Variants in DPH1 observed in about 807,000 individuals in gnomAD.
DPH1 encodes 2-(3-amino-3-carboxypropyl)histidine synthase subunit 1.
Under a neutral mutation model 55.3 loss-of-function variants are expected in DPH1, and 59 were observed. That is an observed-to-expected ratio of 1.07 (90% confidence interval 0.87 to 1.33). The LOEUF is 1.33. Ranked by LOEUF, DPH1 falls within the 40% of genes most tolerant of loss-of-function variation. The pLI is 0.00. For missense variants in DPH1, 628 were observed against 584.8 expected, an observed-to-expected ratio of 1.07 and a Z score of -0.76; for synonymous variants, 238 against 235.5, an observed-to-expected ratio of 1.01 and a Z score of -0.10.
chr17:2,032,924 G>C (rs1285032062), intron 1 of DPH1, among the ~76,000 whole-genome samples: 1 of 152,082 alleles, frequency 6.6e-6, no homozygotes, highest in Non-Finnish European at 1.5e-5. Context: ...GTAGAGAGTA[G>C]TATTTCCCCG....
At chr17:2,030,625 C>T (rs2067318368) in intron 1 of DPH1, among the ~76,000 whole-genome samples, 1 of 152,168 alleles carries the variant, frequency 6.6e-6, no homozygotes, top group Non-Finnish European at 1.5e-5. Context: ...TGAGCGCCCA[C>T]CGAATGCCAG....
At chr17:2,042,333 C>T in intron 12 of DPH1, 1 of 1,373,354 alleles carries the variant, frequency 7.3e-7, no homozygotes, top group Non-Finnish European at 9.4e-7. Context: ...ACCCGCATTC[C>T]TCCCACCCAG....
rs1410170646 is a variant in DPH1 at position 2,035,500 on chromosome 17, GGTGGGGGCCCTGCCTGTGGTGGGGAGGGA to G, written c.279-462_279-434del. On this transcript the variant is annotated intron_variant, in intron 3 of 12. Transcript: ENST00000263083. The stretch of plus-strand genomic sequence containing the variant: ...GGGGCCCTGCCTGTGGTGGGGAGGG[GGTGGGGGCCCTGCCTGTGGTGGGGAGGGA>G]GTGGGGGTCCCGGCAAGAGGGAGGC... 1.9e-3 allele frequency among the ~76,000 whole-genome samples: 156 copies of G among 80,248 alleles called. 2 individuals are homozygous for G. The East Asian group carries it at 0.06, about 31-fold the overall frequency. 52.6% of individuals were successfully genotyped at this position (80,248 alleles called of 152,430 possible).
chr17:2,035,965 C>G lies in DPH1; in HGVS notation c.279-5C>G, dbSNP rs370195178. The G allele has an allele frequency of 6.2e-7, 1 of 1,613,758 alleles. No homozygotes were observed. The highest frequency in any genetic ancestry group is 1.1e-5 in the South Asian group (1 of 91,080). Reference sequence around the variant, plus strand: ...TCCCACCGTTCCCCGCCCCTGTGCCCGCAGGTTCACGGAGGCCGAAGTGAT... The same window carrying G: ...TCCCACCGTTCCCCGCCCCTGTGCCGGCAGGTTCACGGAGGCCGAAGTGAT... On this transcript the variant is annotated splice_polypyrimidine_tract_variant and splice_region_variant and intron_variant, in intron 3 of 12. Transcript: ENST00000263083.
intron 6 of DPH1, chr17:2,037,287 C>T (rs772369283): frequency 1.2e-4 from 25 of 201,234 alleles, no homozygotes; most frequent in Non-Finnish European, 1.1e-4. Context: ...ATTTACCATC[C>T]GGACAGCTAA....
At chr17:2,042,342 A>G in intron 12 of DPH1, 2 of 1,345,692 alleles carry the variant, frequency 1.5e-6, no homozygotes, top group Non-Finnish European at 1.9e-6. Context: ...CCTCCCACCC[A>G]GTCCACACCC....
chr17:2,043,191 T>A lies in DPH1; in HGVS notation c.*605T>A. 9 of 1,428,312 alleles carry A rather than the reference T, an allele frequency of 6.3e-6. No individual in the cohort carries two copies. Among genetic ancestry groups the A allele is most frequent in the Non-Finnish European group, 7.6e-6 (8 of 1,051,986 alleles). 88.5% of individuals were successfully genotyped at this position (1,428,312 alleles called of 1,614,324 possible). On this transcript the variant is annotated 3_prime_UTR_variant, in exon 13 of 13. Coordinates refer to ENST00000263083, the MANE Select transcript of DPH1 (RefSeq NM_001383.6). ...TGCCCTCCCAGGACCCTCCACTCAC[T>A]GCTGTGAGTGCGCCTCACCAGAACC...
chr17:2,040,846 C>T, intron 9 of DPH1: 1 of 626,302 alleles, frequency 1.6e-6, no homozygotes, highest in South Asian at 1.9e-5. Flanking sequence ...GACACCTGCC[C>T]TGTACCAGGT....
chr17:2,041,008 G>C, intron 9 of DPH1, 95 bp from the exon 10 acceptor site: 1 of 1,186,774 alleles, frequency 8.4e-7, no homozygotes, highest in East Asian at 2.6e-5. Context: ...GCCTGTTAAT[G>C]AATGGGTGTG....
At position 2,041,626 on chromosome 17, in the gene DPH1, G is replaced by T; in HGVS notation, c.1227+5G>T. On this transcript the variant is annotated splice_donor_5th_base_variant and intron_variant, in intron 11 of 12. Transcript: ENST00000263083. ...GGCCGGCCCGCGCGGGGGAAGGTAG[G>T]CGGGGGCTTCCAGGAGGGAGGAGAG... 6.2e-7 allele frequency: 1 copy of T among 1,602,274 alleles called. No homozygotes were observed. Among genetic ancestry groups the T allele is most frequent in the Non-Finnish European group, 8.5e-7 (1 of 1,175,214 alleles).
intron 3 of DPH1, 36 bp downstream of exon 3, chr17:2,033,878 G>A: frequency 6.2e-7 from 1 of 1,612,232 alleles, no homozygotes; most frequent in Non-Finnish European, 8.5e-7. Flanking sequence ...GGGTGAGCCA[G>A]GCTTCCCCCA....
intron 6 of DPH1, 54 bp from the exon 7 acceptor site, chr17:2,039,701 G>A (rs977085345): frequency 1.9e-5 from 31 of 1,611,614 alleles, no homozygotes; most frequent in Admixed American, 1.3e-4. Context: ...CTAAGCCAGC[G>A]AGTGCCTCTT....
rs1179056494 is a variant in DPH1 at position 2,036,100 on chromosome 17, G to A, written c.400+9G>A. ...CGGCCACAGTTGCCTGAGTATGGTG[G>A]GGCCAGGACACCTGGACGGTGGCGG... On this transcript the variant is annotated intron_variant, in intron 4 of 12. Transcript: ENST00000263083. This position sits in a 1 kb window ranked among gnomAD's most constrained non-coding sequence, Gnocchi z 4.8. 5.0e-6 allele frequency: 8 copies of A among 1,613,570 alleles called. 1 individual carries two copies. The Admixed American group carries it at 6.7e-5, about 13-fold the overall frequency.
At chr17:2,031,335 C>T (rs1213939471) in intron 1 of DPH1, among the ~76,000 whole-genome samples, 2 of 151,686 alleles carry the variant, frequency 1.3e-5, no homozygotes, top group Non-Finnish European at 2.9e-5. Context: ...CTGAGGCGGG[C>T]GGATTACCTG....
intron 12 of DPH1, chr17:2,042,210 G>C: frequency 7.0e-7 from 1 of 1,431,382 alleles, no homozygotes; most frequent in Non-Finnish European, 9.1e-7. Flanking sequence ...CCCGGGCCCC[G>C]AGGGCGCCAG....
At chr17:2,042,103 A>T in intron 12 of DPH1, 1 of 1,569,222 alleles carries the variant, frequency 6.4e-7, no homozygotes, top group Non-Finnish European at 8.6e-7. Flanking sequence ...CGGCAGAGCG[A>T]GCGGGGCTTC....
chr17:2,041,654 C>A (rs117243219), intron 11 of DPH1, 33 bp downstream of exon 11: 3 of 1,589,072 alleles, frequency 1.9e-6, no homozygotes, highest in Admixed American at 1.8e-5. Context: ...GAGGAGAGAC[C>A]GCGCCTGGGC....
At chr17:2,032,391 G>A (rs1196804127) in intron 1 of DPH1, among the ~76,000 whole-genome samples, 1 of 152,162 alleles carries the variant, frequency 6.6e-6, no homozygotes, top group Non-Finnish European at 1.5e-5. Context: ...CTATTCATGG[G>A]CTCAAGTCTT....
At chr17:2,032,306 G>T (rs150704673) in intron 1 of DPH1, among the ~76,000 whole-genome samples, 260 of 152,256 alleles carry the variant, frequency 1.7e-3, no homozygotes, top group African/African-American at 5.9e-3. Flanking sequence ...AGCAGTATAT[G>T]GACTCAGACT....
Sources: allele counts gnomAD v4.1 joint callset (sites outside exome capture counted in the v4.1 genomes callset), GRCh38; gene constraint gnomAD v4.1.1; non-coding constraint Gnocchi (gnomAD v3.1); transcripts MANE v1.5; gene names NCBI Gene and HGNC (gene_info 2026-07-23, HGNC 2026-07-21).